The following TMEM25 variants were observed in gnomAD, a reference collection of about 807,000 sequenced individuals.
TMEM25 encodes 0610039J01Rik.
In TMEM25, 36 loss-of-function variants were observed where a neutral mutation model predicts 37.0. The observed-to-expected ratio is 0.97, with a 90% CI of 0.75 to 1.28. The LOEUF is 1.28. Among genes scored for constraint, TMEM25 ranks in the 50% most tolerant of loss-of-function variants. TMEM25 has a pLI of 0.00. For synonymous variants in TMEM25, 197 were observed against 203.7 expected (o/e 0.97, Z 0.28); for missense variants, 444 against 477.9 (o/e 0.93, Z 0.66).
rs1400338174 is a variant in TMEM25 at position 118,534,587 on chromosome 11, G to A, written c.*7G>A. On this transcript the variant is annotated 3_prime_UTR_variant, in exon 9 of 9. Coordinates refer to ENST00000313236, the MANE Select transcript of TMEM25 (RefSeq NM_032780.4). The surrounding 1 kb of genome is among the most constrained non-coding windows in gnomAD (Gnocchi z 4.6). ...TGATGAGATCTGGCTCTGAGCCGAGGGCGAGACAGGAGTATTCTCTTGGCC... is the reference window on the plus strand; with the variant it reads ...TGATGAGATCTGGCTCTGAGCCGAGAGCGAGACAGGAGTATTCTCTTGGCC... 1.2e-6 allele frequency: 2 copies of A among 1,614,046 alleles called. No individual in the cohort carries two copies. Among genetic ancestry groups the A allele is most frequent in the Middle Eastern group, 1.7e-4 (1 of 6,060 alleles).
rs781830759 is a variant in TMEM25, at chr11:118,534,142, C to T, written c.937+13C>T. On this transcript the variant is annotated intron_variant, in intron 7 of 8. Coordinates refer to ENST00000313236, the MANE Select transcript of TMEM25 (RefSeq NM_032780.4). This position sits in a 1 kb window ranked among gnomAD's most constrained non-coding sequence, Gnocchi z 4.6. ...CCAGATTCCAGAGGTATATCTAGGG[C>T]CCTGCTCTTTGCCCCTGCTTAATCT... 4 of 1,613,710 alleles carry T rather than the reference C, an allele frequency of 2.5e-6. No homozygotes were observed. The African/African-American group carries it at 4.0e-5, about 16-fold the overall frequency.
chr11:118,545,990 T>C, intron 8 of TMEM25: 1 of 746,724 alleles, frequency 1.3e-6, no homozygotes, highest in Admixed American at 2.0e-5. Context: ...AAAATTCAGA[T>C]ATTGAGTTCC....
chr11:118,540,624 G>C (rs1951566290), downstream of TMEM25, among the ~76,000 whole-genome samples: 1 of 152,176 alleles, frequency 6.6e-6, no homozygotes. Flanking sequence ...TTCAGTAGGG[G>C]GTGGACTGGC....
Position 118,534,580 on chromosome 11 carries a change from AGCCGAGG to A in TMEM25, c.*3_*9del, listed in dbSNP as rs1555062202. On this transcript the variant is annotated 3_prime_UTR_variant, in exon 9 of 9. Transcript: ENST00000313236. The surrounding 1 kb of genome is among the most constrained non-coding windows in gnomAD (Gnocchi z 4.6). ...TGAGCAGTGATGAGATCTGGCTCTG[AGCCGAGG>A]GCGAGACAGGAGTATTCTCTTGGCC... The A allele has an allele frequency of 6.2e-7, 1 of 1,613,980 alleles. No individual in the cohort carries two copies. The highest frequency in any genetic ancestry group is 1.7e-5 in the Admixed American group (1 of 60,000).
intron 8 of TMEM25, chr11:118,545,346 A>G: frequency 8.3e-7 from 1 of 1,210,306 alleles, no homozygotes; most frequent in African/African-American, 1.5e-5. Context: ...CAGCAGGCTC[A>G]GAACAGTAGA....
Position 118,534,485 on chromosome 11 carries a change from G to A in TMEM25, c.1028-22G>A, listed in dbSNP as rs782303597. Reference sequence around the variant, plus strand: ...AAGGAACAAGCGTTACTGAGTCCCCGCGGGCTTCTTTGATCCCGCAGGTTT... The same window carrying A: ...AAGGAACAAGCGTTACTGAGTCCCCACGGGCTTCTTTGATCCCGCAGGTTT... On this transcript the variant is annotated intron_variant, in intron 8 of 8. Transcript: ENST00000313236. The surrounding 1 kb of genome is among the most constrained non-coding windows in gnomAD (Gnocchi z 4.6). The A allele has an allele frequency of 6.8e-6, 11 of 1,613,934 alleles. No individual in the cohort carries two copies. The highest frequency in any genetic ancestry group is 1.7e-4 in the Middle Eastern group (1 of 5,942).
In TMEM25 at chr11:118,534,740, C is replaced by G; in HGVS notation, c.*160C>G. 1 of 1,448,658 alleles carries G rather than the reference C, an allele frequency of 6.9e-7. No individual in the cohort carries two copies. The allele number at this position is 1,448,658 out of a possible 1,614,324, so 89.7% of individuals were successfully genotyped here. The stretch of plus-strand genomic sequence containing the variant: ...TGCCCTCCATGTCATGCACGTGATG[C>G]ATTTCACTGGGCTGTAACCCGCAGG... On this transcript the variant is annotated 3_prime_UTR_variant, in exon 9 of 9. Transcript: ENST00000313236. This position sits in a 1 kb window ranked among gnomAD's most constrained non-coding sequence, Gnocchi z 4.6.
chr11:118,542,381 T>C (rs538226595), intron 8 of TMEM25, among the ~76,000 whole-genome samples: 1 of 152,302 alleles, frequency 6.6e-6, no homozygotes, highest in South Asian at 2.1e-4. Context: ...CAAACACCTC[T>C]TAAAGGCCCC....
At chr11:118,533,304 G>T in intron 4 of TMEM25, 97 bp downstream of exon 4, 1 of 1,569,094 alleles carries the variant, frequency 6.4e-7, no homozygotes, top group South Asian at 1.2e-5. Context: ...CTGTGGTTGG[G>T]TCTTGTGGAT....
Position 118,534,648 on chromosome 11 carries a change from A to C in TMEM25, c.*68A>C. The C allele has an allele frequency of 6.3e-7, 1 of 1,588,220 alleles. No individual in the cohort carries two copies. The highest frequency in any genetic ancestry group is 1.1e-5 in the South Asian group (1 of 88,966). On this transcript the variant is annotated 3_prime_UTR_variant, in exon 9 of 9. Transcript: ENST00000313236. The surrounding 1 kb of genome is among the most constrained non-coding windows in gnomAD (Gnocchi z 4.6). Reference sequence around the variant, plus strand: ...CTCCCGTTCCTCCAAGGCATCCTCTACCTAGCTAGGTCACCAACGTGAAGA... The same window carrying C: ...CTCCCGTTCCTCCAAGGCATCCTCTCCCTAGCTAGGTCACCAACGTGAAGA...
chr11:118,536,879 G>A (rs189986741), downstream of TMEM25, among the ~76,000 whole-genome samples: 19 of 152,268 alleles, frequency 1.2e-4, no homozygotes, highest in Non-Finnish European at 2.2e-4. Context: ...CAGAGAGAGC[G>A]CAAGAGAGCA....
downstream of TMEM25, chr11:118,535,887 G>T: frequency 9.5e-7 from 1 of 1,049,962 alleles, no homozygotes; most frequent in Non-Finnish European, 1.1e-6. Context: ...GTTTTATTTT[G>T]TTTCGTTTGA....
intron 8 of TMEM25, among the ~76,000 whole-genome samples, chr11:118,543,734 GC>G (rs1431081212): frequency 6.6e-6 from 1 of 151,512 alleles, no homozygotes; most frequent in Non-Finnish European, 1.5e-5. Flanking sequence ...TGATCCACCC[GC>G]CTCAGCCTCC....
chr11:118,533,357 C>G (rs1009498284), intron 4 of TMEM25, 63 bp from the exon 5 acceptor site: 6 of 1,607,564 alleles, frequency 3.7e-6, no homozygotes, highest in Admixed American at 1.7e-5. Flanking sequence ...CAGAGTAGTA[C>G]CTATGGCATG....
downstream of TMEM25, chr11:118,546,951 A>G (rs547097618): frequency 3.3e-5 from 5 of 152,342 alleles, no homozygotes; most frequent in African/African-American, 1.2e-4. Context: ...TTTACAAAAA[A>G]CAGAGTACAT....
rs548930037 is a variant in TMEM25 at position 118,534,326 on chromosome 11, C to T, written c.998C>T (p.Pro333Leu). 25 of 1,614,086 alleles carry T rather than the reference C, an allele frequency of 1.5e-5. No individual in the cohort carries two copies. The highest frequency in any genetic ancestry group is 4.5e-5 in the East Asian group (2 of 44,878). Residue 333 changes from proline to leucine, a missense_variant, in exon 8 of 9, where the codon CCG becomes CTG. Pro to Leu is a moderately conservative substitution (Grantham distance 98, BLOSUM62 -3). Transcript: ENST00000313236. The surrounding 1 kb of genome is among the most constrained non-coding windows in gnomAD (Gnocchi z 4.6). ...QNNSRPELLD[P>L]EPGGLLTSQG... ...AACAGCCGGCCAGAGCTTCTGGACC[C>T]GGAGCCCGGCGGCCTCCTCACCAGC...
chr11:118,536,079 T>C (rs1251144057), downstream of TMEM25, among the ~76,000 whole-genome samples: 2 of 152,148 alleles, frequency 1.3e-5, no homozygotes, highest in Non-Finnish European at 2.9e-5. Flanking sequence ...GGTTTTACCA[T>C]GTTGGCCAGA....
downstream of TMEM25, chr11:118,535,953 C>T: frequency 1.8e-6 from 1 of 568,172 alleles, no homozygotes; most frequent in Non-Finnish European, 2.2e-6. Flanking sequence ...TCTTGGCTCA[C>T]TGCAACCTCC....
intron 8 of TMEM25, chr11:118,545,693 G>C: frequency 2.2e-6 from 3 of 1,354,006 alleles, no homozygotes; most frequent in Non-Finnish European, 3.2e-6. Flanking sequence ...AGTGAAGGCT[G>C]AAACTCAAGA....
Sources: gnomAD v4.1 joint callset for allele counts (sites outside exome capture counted in the v4.1 genomes callset) on GRCh38, gnomAD v4.1.1 for gene constraint, Gnocchi (gnomAD v3.1) non-coding constraint, MANE v1.5 for transcripts, NCBI Gene and HGNC (gene_info 2026-07-23, HGNC 2026-07-21) for gene names.